Variants in EXTL3 observed in about 807,000 individuals in gnomAD.
EXTL3 encodes exostosin-like 3.
A neutral mutation model predicts 69.3 loss-of-function variants in EXTL3; 27 were observed. That is an observed-to-expected ratio of 0.39 (90% confidence interval 0.29 to 0.54). EXTL3 has a LOEUF of 0.54. Among genes scored for constraint, EXTL3 ranks in the 20% least tolerant of loss-of-function variants. The probability of loss-of-function intolerance (pLI) is 0.69; values close to 1 mark genes in which losing one functional copy is unlikely to be tolerated. For synonymous variants in EXTL3, 511 were observed against 499.4 expected (o/e 1.02, Z -0.31); for missense variants, 1,003 against 1,231.8 (o/e 0.81, Z 2.78).
rs575164561 is a variant in EXTL3, at chr8:28,632,699, C to A, written c.-53+9889C>A. Among the ~76,000 whole-genome samples the A allele has an allele frequency of 1.3e-3, 202 of 151,618 alleles. 1 individual carries two copies. Among genetic ancestry groups the A allele is most frequent in the African/African-American group, 4.6e-3 (192 of 41,400 alleles). On this transcript the variant is annotated intron_variant, in intron 1 of 6. Transcript: ENST00000523149. ...CTTCGAAATAGCAGGGATTTACAGG[C>A]ACGCCACCACACCCAGCTAATTTTT...
intron 3 of EXTL3, among the ~76,000 whole-genome samples, chr8:28,718,534 A>G (rs1801218123): frequency 6.6e-6 from 1 of 152,222 alleles, no homozygotes; most frequent in Admixed American, 6.5e-5. Context: ...ATAAGCTACC[A>G]TTTAGGAAGC....
At chr8:28,679,316 C>T (rs765161833) in intron 1 of EXTL3, among the ~76,000 whole-genome samples, 9 of 152,076 alleles carry the variant, frequency 5.9e-5, no homozygotes, top group Non-Finnish European at 1.2e-4. Context: ...TGTGGTGGCG[C>T]GTGCCTGTAG....
chr8:28,692,567 A>G (rs1585253978), intron 1 of EXTL3, among the ~76,000 whole-genome samples: 1 of 152,148 alleles, frequency 6.6e-6, no homozygotes, highest in Non-Finnish European at 1.5e-5. Context: ...TAAAGTCCAA[A>G]TGTTATTATC....
At chr8:28,618,318 T>TATA (rs1585215858), upstream of EXTL3, among the ~76,000 whole-genome samples, 1 of 151,456 alleles carries the variant, frequency 6.6e-6, no homozygotes, top group South Asian at 2.1e-4. Context: ...AAAAAAGGTA[T>TATA]ATAATAATAA....
At chr8:28,723,674 C>T (rs1012231023) in intron 3 of EXTL3, among the ~76,000 whole-genome samples, 5 of 144,490 alleles carry the variant, frequency 3.5e-5, no homozygotes, top group South Asian at 4.4e-4. Flanking sequence ...CAGAGTCTCA[C>T]GCTGTTGCCC....
At chr8:28,727,761 C>T (rs1471748372) in intron 3 of EXTL3, among the ~76,000 whole-genome samples, 1 of 152,164 alleles carries the variant, frequency 6.6e-6, no homozygotes, top group East Asian at 1.9e-4. Context: ...CAGTGCTTCT[C>T]CCCATTTAAT....
chr8:28,742,913 G>C, intron 5 of EXTL3, 173 bp from the exon 6 acceptor site: 1 of 715,496 alleles, frequency 1.4e-6, no homozygotes, highest in Non-Finnish European at 2.5e-6. Flanking sequence ...CCTCACTGCA[G>C]AAGATCCACA....
chr8:28,608,382 T>TA (rs770735342), intron 2 of EXTL3, among the ~76,000 whole-genome samples: 27 of 152,082 alleles, frequency 1.8e-4, no homozygotes, highest in East Asian at 1.2e-3. Context: ...TCCCCCAAGA[T>TA]AAGGCTCTCC....
intron 2 of EXTL3, among the ~76,000 whole-genome samples, chr8:28,612,499 T>C (rs71519699): frequency 6.7e-6 from 1 of 149,716 alleles, no homozygotes; most frequent in Non-Finnish European, 1.5e-5. Context: ...AAAAGAAAAA[T>C]AAAAAACAAA....
chr8:28,658,635 C>A (rs1380875179), intron 1 of EXTL3, among the ~76,000 whole-genome samples: 1 of 152,152 alleles, frequency 6.6e-6, no homozygotes, highest in African/African-American at 2.4e-5. Context: ...GGCTGGAGTG[C>A]AGTGGCACAA....
intron 2 of EXTL3, among the ~76,000 whole-genome samples, chr8:28,616,866 T>G (rs1806338604): frequency 6.6e-6 from 1 of 152,202 alleles, no homozygotes; most frequent in Non-Finnish European, 1.5e-5. Flanking sequence ...GAACCAGCTG[T>G]GGACACTGAA....
At chr8:28,694,567 T>C (rs1452304353) in intron 1 of EXTL3, among the ~76,000 whole-genome samples, 1 of 152,200 alleles carries the variant, frequency 6.6e-6, no homozygotes, top group Non-Finnish European at 1.5e-5. Context: ...CACCACCACT[T>C]ACTAGGCTGG....
At chr8:28,695,549 C>T (rs1329110056) in intron 1 of EXTL3, among the ~76,000 whole-genome samples, 2 of 152,220 alleles carry the variant, frequency 1.3e-5, no homozygotes, top group Non-Finnish European at 2.9e-5. Context: ...TCTATGCTGA[C>T]TCTATTTGCT....
intron 1 of EXTL3, among the ~76,000 whole-genome samples, chr8:28,668,434 C>T (rs898789943): frequency 6.8e-6 from 1 of 146,088 alleles, no homozygotes; most frequent in Admixed American, 7.1e-5. Flanking sequence ...CAGGTTCAAG[C>T]AATTCTCCTG....
chr8:28,638,730 C>T lies in EXTL3; in HGVS notation c.-53+15920C>T, dbSNP rs377490536. 1.3e-3 allele frequency among the ~76,000 whole-genome samples: 197 copies of T among 152,262 alleles called. 4 individuals are homozygous for T. In the South Asian group the frequency reaches 0.04, roughly 31 times the overall value. On this transcript the variant is annotated intron_variant, in intron 1 of 6. Transcript: ENST00000523149. ...CACTGCAGTCTCTGCCTCCCGGGTTCGAGCGATTCTTCTGCCTCAGCCTCC... is the reference window on the plus strand; with the variant it reads ...CACTGCAGTCTCTGCCTCCCGGGTTTGAGCGATTCTTCTGCCTCAGCCTCC...
Position 28,750,686 on chromosome 8 carries a change from A to C in EXTL3, c.2580A>C (p.Pro860=). 1 of 1,614,166 alleles carries C rather than the reference A, an allele frequency of 6.2e-7. No homozygotes were observed. The highest frequency in any genetic ancestry group is 1.3e-5 in the African/African-American group (1 of 75,038). Reference sequence around the variant, plus strand: ...CCTCACGGTGGACATTCCGATGCCCAGGATGCCCTCAGGCCCTGTCTCATG... The same window carrying C: ...CCTCACGGTGGACATTCCGATGCCCCGGATGCCCTCAGGCCCTGTCTCATG... ...KVTSRWTFRC[P]GCPQALSHDD... Residue 860 remains proline, a synonymous_variant, in exon 7 of 7, where the codon CCA becomes CCC. Transcript: ENST00000220562. The surrounding 1 kb of genome is among the most constrained non-coding windows in gnomAD (Gnocchi z 5.2).
downstream of EXTL3, chr8:28,755,698 G>C (rs771130246): frequency 6.6e-6 from 1 of 152,206 alleles, no homozygotes; most frequent in African/African-American, 2.4e-5. Context: ...GCAGTGAGCT[G>C]TGATTTGCGC....
upstream of EXTL3, chr8:28,700,456 G>A (rs1030917051): frequency 6.6e-6 from 1 of 152,102 alleles, no homozygotes; most frequent in Non-Finnish European, 1.5e-5. Context: ...CTCCTTGCTG[G>A]AGCACTGGGC....
At chr8:28,739,764 G>T (rs1801737545) in intron 5 of EXTL3, 1 of 152,162 alleles carries the variant, frequency 6.6e-6, no homozygotes, top group African/African-American at 2.4e-5. Context: ...TTCCTTCGGT[G>T]GGCCTTGTTT....
Sources: allele counts gnomAD v4.1 joint callset (sites outside exome capture counted in the v4.1 genomes callset), GRCh38; gene constraint gnomAD v4.1.1; non-coding constraint Gnocchi (gnomAD v3.1); transcripts MANE v1.5; gene names NCBI Gene and HGNC (gene_info 2026-07-23, HGNC 2026-07-21).